DUS1L: variants seen among roughly 807,000 people sequenced by gnomAD.
The protein encoded by DUS1L is dihydrouridine synthase 1 like.
DUS1L carries 56 observed loss-of-function variants against 61.2 expected under a neutral mutation model. The ratio of observed to expected loss-of-function variants is 0.92; its 90% CI spans 0.74 to 1.14. DUS1L has a LOEUF of 1.14. Among genes scored for constraint, DUS1L ranks in the 50% most tolerant of loss-of-function variants. The pLI, the probability that DUS1L is intolerant of heterozygous loss-of-function variation, is 0.00. For synonymous variants in DUS1L, 278 were observed against 259.5 expected, an observed-to-expected ratio of 1.07 and a Z score of -0.69; for missense variants, 630 against 632.4, an observed-to-expected ratio of 1.00 and a Z score of 0.04.
chr17:82,058,981 C>T lies in DUS1L; in HGVS notation c.1169-163G>A, dbSNP rs2033267777. ...GGCAGAGGATGCAGGCTGGCCACGT[C>T]TGCTTTTCCTTCCGTGAGCAATGGG... On this transcript the variant is annotated intron_variant, in intron 11 of 13. Transcript: ENST00000306796. The T allele has an allele frequency of 2.7e-5, 18 of 657,106 alleles. No homozygotes were observed. In the South Asian group the frequency reaches 3.0e-4, roughly 11 times the overall value. 40.7% of individuals were successfully genotyped at this position (657,106 alleles called of 1,614,324 possible).
chr17:82,059,804 C>T, intron 11 of DUS1L, 144 bp downstream of exon 11: 1 of 1,231,990 alleles, frequency 8.1e-7, no homozygotes, highest in Non-Finnish European at 1.1e-6. Flanking sequence ...TGGCTGACTA[C>T]TCCGCCAAGC....
chr17:82,062,984 G>A lies in DUS1L; in HGVS notation c.398-11C>T, dbSNP rs781265707. The stretch of plus-strand genomic sequence containing the variant: ...CGTGGGCCAGCAAAACTGGGGAGAA[G>A]AGAGGCAGCTTCTGAGGGGGCCATG... On this transcript the variant is annotated splice_polypyrimidine_tract_variant and intron_variant, in intron 4 of 13. Coordinates refer to ENST00000306796, the MANE Select transcript of DUS1L (RefSeq NM_022156.5). 17 of 1,609,090 alleles carry A rather than the reference G, an allele frequency of 1.1e-5. No homozygotes were observed. The Admixed American group carries it at 2.0e-4, about 19-fold the overall frequency.
intron 3 of DUS1L, 37 bp from the exon 4 acceptor site, chr17:82,063,555 T>G (rs1337721328): frequency 6.2e-7 from 1 of 1,612,652 alleles, no homozygotes; most frequent in Admixed American, 1.7e-5. Context: ...GGCACCTGTG[T>G]TAAGGCTGGT....
At chr17:82,063,656 C>T in intron 3 of DUS1L, 138 bp from the exon 4 acceptor site, 1 of 984,638 alleles carries the variant, frequency 1.0e-6, no homozygotes, top group South Asian at 1.5e-5. Flanking sequence ...GTCCCCAGAA[C>T]CAGCAGTGTC....
chr17:82,058,024 G>C lies in DUS1L; in HGVS notation c.*91C>G, dbSNP rs1336020924. ...ACATGGGCGTGTCTTTCCACATTAA[G>C]TAGCAGGAGATTCCCTGAGTAAAAG... On this transcript the variant is annotated 3_prime_UTR_variant, in exon 14 of 14. Transcript: ENST00000306796. 1 of 1,412,318 alleles carries C rather than the reference G, an allele frequency of 7.1e-7. No individual in the cohort carries two copies. The highest frequency in any genetic ancestry group is 9.3e-7 in the Non-Finnish European group (1 of 1,075,626). The allele number at this position is 1,412,318 out of a possible 1,614,324, so 87.5% of individuals were successfully genotyped here. A position where few individuals can be genotyped will look rare whatever the true frequency, so the allele number is the denominator to read the frequency against.
intron 10 of DUS1L, chr17:82,060,380 G>A (rs2033421399): frequency 1.7e-6 from 1 of 578,628 alleles, no homozygotes; most frequent in Admixed American, 3.0e-5. Flanking sequence ...AGCAGAAGCT[G>A]GGGTCAACCT....
intron 4 of DUS1L, 184 bp from the exon 5 acceptor site, chr17:82,063,157 C>A (rs2033594293): frequency 1.6e-6 from 1 of 640,208 alleles, no homozygotes; most frequent in Middle Eastern, 4.1e-4. Flanking sequence ...CCGCCATACC[C>A]CCGGCCCTCC....
Position 82,062,869 on chromosome 17 carries a change from C to A in DUS1L, c.502G>T (p.Gly168Cys), listed in dbSNP as rs141386224. The change falls in exon 5 of 14, where the codon GGC (glycine) becomes TGC (cysteine). Residue 168 changes from glycine to cysteine, a missense_variant. Coordinates refer to ENST00000306796, the MANE Select transcript of DUS1L (RefSeq NM_022156.5). Reference sequence around the variant, plus strand: ...GCGAGCCCAGGGCTCACCTGGCAGCCGGCCTTCTCCAGCATCTGGGCGTAC... The same window carrying A: ...GCGAGCCCAGGGCTCACCTGGCAGCAGGCCTTCTCCAGCATCTGGGCGTAC... ...VRYAQMLEKA[G>C]CQLLTVHGRT... 3 of 1,612,544 alleles carry A rather than the reference C, an allele frequency of 1.9e-6. No homozygotes were observed. Among genetic ancestry groups the A allele is most frequent in the Non-Finnish European group, 2.5e-6 (3 of 1,179,828 alleles).
At chr17:82,062,711 C>G in intron 5 of DUS1L, 150 bp downstream of exon 5, 1 of 654,014 alleles carries the variant, frequency 1.5e-6, no homozygotes, top group Non-Finnish European at 2.6e-6. Flanking sequence ...TGGTGGCACT[C>G]AGAGCCAGTG....
chr17:82,060,847 A>G lies in DUS1L; in HGVS notation c.939+18T>C. On this transcript the variant is annotated intron_variant, in intron 9 of 13. Transcript: ENST00000306796. ...TCACCCCCTGCAAGGCCGGGCTCCCACCAGCCCCAGCACCTGCCTGACACC... is the reference window on the plus strand; with the variant it reads ...TCACCCCCTGCAAGGCCGGGCTCCCGCCAGCCCCAGCACCTGCCTGACACC... The G allele has an allele frequency of 6.2e-7, 1 of 1,611,560 alleles. No individual in the cohort carries two copies. Among genetic ancestry groups the G allele is most frequent in the South Asian group, 1.1e-5 (1 of 90,936 alleles).
At chr17:82,058,565 T>C in intron 12 of DUS1L, 149 bp from the exon 13 acceptor site, 1 of 1,447,492 alleles carries the variant, frequency 6.9e-7, no homozygotes, top group Non-Finnish European at 9.1e-7. Context: ...CAGATGCCTC[T>C]CCCTCACCCC....
intron 1 of DUS1L, 31 bp from the exon 2 acceptor site, chr17:82,065,100 C>T (rs1431263656): frequency 1.3e-6 from 2 of 1,540,806 alleles, no homozygotes; most frequent in Non-Finnish European, 1.8e-6. Context: ...CGGGGTTCAG[C>T]CAGGCCCAAC....
chr17:82,058,460 C>CG (rs2033193454), intron 12 of DUS1L, 44 bp from the exon 13 acceptor site: 1 of 1,476,322 alleles, frequency 6.8e-7, no homozygotes, highest in Admixed American at 2.3e-5. Context: ...GCACCACTCC[C>CG]GGGGCCAGGC....
rs1252548506 is a variant in DUS1L at position 82,060,853 on chromosome 17, C to T, written c.939+12G>A. ...CCTGCAAGGCCGGGCTCCCACCAGC[C>T]CCAGCACCTGCCTGACACCGCAGCT... On this transcript the variant is annotated intron_variant, in intron 9 of 13. Coordinates refer to ENST00000306796, the MANE Select transcript of DUS1L (RefSeq NM_022156.5). 1 of 1,611,886 alleles carries T rather than the reference C, an allele frequency of 6.2e-7. No homozygotes were observed. The highest frequency in any genetic ancestry group is 1.1e-5 in the South Asian group (1 of 90,986).
intron 10 of DUS1L, 121 bp from the exon 11 acceptor site, chr17:82,060,214 G>A (rs2033413060): frequency 3.1e-6 from 4 of 1,275,854 alleles, no homozygotes; most frequent in Non-Finnish European, 4.1e-6. Flanking sequence ...GCTGCTGTGA[G>A]GAGTGCCCTC....
chr17:82,061,860 A>G lies in DUS1L; in HGVS notation c.593+41T>C, dbSNP rs549454888. 26 of 1,588,048 alleles carry G rather than the reference A, an allele frequency of 1.6e-5. No individual in the cohort carries two copies. The South Asian group carries it at 2.7e-4, about 17-fold the overall frequency. On this transcript the variant is annotated intron_variant, in intron 6 of 13. Transcript: ENST00000306796. ...GGTGTGGAGCTGGGACCCCCAGCAA[A>G]GCCCCAAGGACTGAGGGCTGTGTCA...
chr17:82,060,866 T>C lies in DUS1L; in HGVS notation c.938A>G (p.Gln313Arg). ...AVSQELKLRC[Q>R]EEISRQEGAK... ...GCTCCCACCAGCCCCAGCACCTGCC[T>C]GACACCGCAGCTTCAGCTCCTGGCT... is the stretch of plus-strand genomic sequence containing the variant. The change falls in exon 9 of 14, where the codon CAG becomes CGG. Residue 313 changes from glutamine (Q) to arginine (R), a missense_variant and splice_region_variant. Coordinates refer to ENST00000306796, the MANE Select transcript of DUS1L (RefSeq NM_022156.5). 6.2e-7 allele frequency: 1 copy of C among 1,612,042 alleles called. No homozygotes were observed. Among genetic ancestry groups the C allele is most frequent in the Non-Finnish European group, 8.5e-7 (1 of 1,179,814 alleles).
chr17:82,059,614 G>T, intron 11 of DUS1L: 1 of 317,440 alleles, frequency 3.2e-6, no homozygotes, highest in Admixed American at 4.3e-5. Flanking sequence ...CCTCTCAGCA[G>T]CTGCTCAGGT....
In DUS1L at chr17:82,058,386, C is replaced by T. The variant is rs539331883; in HGVS notation, c.1237G>A (p.Gly413Ser). The T allele has an allele frequency of 4.5e-5, 67 of 1,489,360 alleles. No individual in the cohort carries two copies. The highest frequency in any genetic ancestry group is 3.6e-4 in the Middle Eastern group (2 of 5,490). The allele number at this position is 1,489,360 out of a possible 1,614,324, so 92.3% of individuals were successfully genotyped here. A position where few individuals can be genotyped will look rare whatever the true frequency, so the allele number is the denominator to read the frequency against. Residue 413 changes from glycine (G) to serine (S), a missense_variant, in exon 13 of 14, where the codon GGC becomes AGC. Physicochemically the swap from Gly to Ser is moderately conservative, Grantham distance 56. Coordinates refer to ENST00000306796, the MANE Select transcript of DUS1L (RefSeq NM_022156.5). ...GNRCVFSLCR[G>S]CCKKRASKET... ...TTGGAGGCTCGCTTCTTGCAGCAGC[C>T]GCGGCACAGGCTGAACACACATCTG...
Sources: allele counts gnomAD v4.1 joint callset, GRCh38; gene constraint gnomAD v4.1.1; transcripts MANE v1.5; gene names NCBI Gene and HGNC (gene_info 2026-07-23, HGNC 2026-07-21).